The following MYO18A variants were observed in gnomAD, a reference collection of about 807,000 sequenced individuals.
MYO18A encodes myosin XVIIIA, also known as unconventional myosin-XVIIIa.
MYO18A carries 78 observed loss-of-function variants against 235.8 expected under a neutral mutation model. The ratio of observed to expected loss-of-function variants is 0.33; its 90% CI spans 0.28 to 0.40. The LOEUF (loss-of-function observed/expected upper bound fraction) is 0.40, where lower values mean the gene tolerates loss of function less well. Among genes scored for constraint, MYO18A ranks in the 10% least tolerant of loss-of-function variants. The probability of loss-of-function intolerance (pLI) is 1.00; values close to 1 mark genes in which losing one functional copy is unlikely to be tolerated. For missense variants in MYO18A, 2,215 were observed against 2,699.3 expected (o/e 0.82, Z 3.98); for synonymous variants, 977 against 1,077.8 (o/e 0.91, Z 1.83).
intron 2 of MYO18A, among the ~76,000 whole-genome samples, chr17:29,146,589 T>C (rs139666685): frequency 5.6e-4 from 86 of 152,366 alleles, no homozygotes; most frequent in African/African-American, 2.0e-3. Context: ...ATGGAGGGCA[T>C]GTGACCCAAT....
At chr17:29,175,786 G>A (rs912056422) in intron 1 of MYO18A, among the ~76,000 whole-genome samples, 13 of 152,208 alleles carry the variant, frequency 8.5e-5, no homozygotes, top group Admixed American at 5.2e-4. Context: ...CTGGCCAGGC[G>A]CAGTGGCTCA....
At chr17:29,169,138 C>T (rs912122028) in intron 1 of MYO18A, among the ~76,000 whole-genome samples, 1 of 151,982 alleles carries the variant, frequency 6.6e-6, no homozygotes, top group African/African-American at 2.4e-5. Context: ...CAACCTCTGC[C>T]TCCCAGGGTT....
chr17:29,080,137 G>A, intron 41 of MYO18A: 2 of 985,996 alleles, frequency 2.0e-6, no homozygotes, highest in Non-Finnish European at 2.4e-6. Flanking sequence ...GATGCTGGCA[G>A]CTCGCTCCGG....
intron 28 of MYO18A, 47 bp downstream of exon 28, chr17:29,096,714 G>A (rs1463502062): frequency 6.6e-7 from 1 of 1,524,374 alleles, no homozygotes; most frequent in Admixed American, 2.1e-5. Flanking sequence ...TCCTGTCTGT[G>A]GCTGCTCCAG....
intron 37 of MYO18A, 126 bp from the exon 38 acceptor site, chr17:29,087,247 C>T (rs1270055697): frequency 1.1e-6 from 1 of 941,978 alleles, no homozygotes; most frequent in Non-Finnish European, 1.6e-6. Context: ...TCATTGGCTA[C>T]CTGGGCAAGC....
rs2067171754 is a variant in MYO18A at position 29,120,520 on chromosome 17, C to A, written c.1728+96G>T. ...TGGGTCAATTTTGTTAGGGTAGAAT[C>A]CCAGGAAAATGAGGCATGGGAGAGA... On this transcript the variant is annotated intron_variant, in intron 7 of 41. Coordinates refer to ENST00000527372, the MANE Select transcript of MYO18A (RefSeq NM_078471.4). The surrounding 1 kb of genome is among the most constrained non-coding windows in gnomAD (Gnocchi z 4.2). 6.8e-7 allele frequency: 1 copy of A among 1,464,092 alleles called. No homozygotes were observed. 90.7% of individuals were successfully genotyped at this position (1,464,092 alleles called of 1,614,324 possible). A position where few individuals can be genotyped will look rare whatever the true frequency, so the allele number is the denominator to read the frequency against.
Position 29,118,779 on chromosome 17 carries a change from T to TG in MYO18A, c.1830-340dup, listed in dbSNP as rs1567608423. Among the ~76,000 whole-genome samples, 2 of 152,260 alleles carry TG rather than the reference T, an allele frequency of 1.3e-5. No individual in the cohort carries two copies. The highest frequency in any genetic ancestry group is 6.5e-5 in the Admixed American group (1 of 15,288). ...AGAAGGGCTAAAGAGGACAATGGCC[T>TG]GGGGATGCTGGCTCAGCCTCATCAT... On this transcript the variant is annotated intron_variant, in intron 8 of 41. Coordinates refer to ENST00000527372, the MANE Select transcript of MYO18A (RefSeq NM_078471.4). The surrounding 1 kb of genome is among the most constrained non-coding windows in gnomAD (Gnocchi z 4.2).
rs1310245054 is a variant in MYO18A at position 29,120,877 on chromosome 17, A to T, written c.1586-119T>A. On this transcript the variant is annotated intron_variant, in intron 6 of 41. Coordinates refer to ENST00000527372, the MANE Select transcript of MYO18A (RefSeq NM_078471.4). This position sits in a 1 kb window ranked among gnomAD's most constrained non-coding sequence, Gnocchi z 4.2. ...ATTCAGACCAGAACTGCCCGTGGAC[A>T]GAGGGGTTTCGGGGGGATGGAAAGG... 6.4e-7 allele frequency: 1 copy of T among 1,562,708 alleles called. No homozygotes were observed. Among genetic ancestry groups the T allele is most frequent in the Admixed American group, 1.7e-5 (1 of 57,580 alleles).
Position 29,120,718 on chromosome 17 carries a change from A to G in MYO18A, c.1626T>C (p.Phe542=). Residue 542 remains phenylalanine (F), a synonymous_variant, in exon 7 of 42, where the codon TTT becomes TTC. Coordinates refer to ENST00000527372, the MANE Select transcript of MYO18A (RefSeq NM_078471.4). The surrounding 1 kb of genome is among the most constrained non-coding windows in gnomAD (Gnocchi z 4.2). ...WQALYTLLEA[F]GNSPTIINGN... is the part of the protein sequence containing the mutation. ...CATTAATGATGGTGGGGCTGTTCCCAAAGGCTTCCAGGAGGGTGTACAGAG... is the reference window on the plus strand; with the variant it reads ...CATTAATGATGGTGGGGCTGTTCCCGAAGGCTTCCAGGAGGGTGTACAGAG... The G allele has an allele frequency of 6.2e-7, 1 of 1,613,942 alleles. No individual in the cohort carries two copies. Among genetic ancestry groups the G allele is most frequent in the Non-Finnish European group, 8.5e-7 (1 of 1,179,856 alleles).
At chr17:29,123,980 G>GAGCC (rs2067259591) in intron 2 of MYO18A, among the ~76,000 whole-genome samples, 1 of 151,988 alleles carries the variant, frequency 6.6e-6, no homozygotes, top group African/African-American at 2.4e-5. Context: ...CCCAGGAGGT[G>GAGCC]GAGCTTGCAG....
In MYO18A at chr17:29,115,455, G is replaced by A. The variant is rs772370602; in HGVS notation, c.2228-14C>T. The A allele has an allele frequency of 5.2e-5, 83 of 1,611,562 alleles. No individual in the cohort carries two copies. Among genetic ancestry groups the A allele is most frequent in the Non-Finnish European group, 6.5e-5 (77 of 1,179,158 alleles). On this transcript the variant is annotated splice_polypyrimidine_tract_variant and intron_variant, in intron 12 of 41. Coordinates refer to ENST00000527372, the MANE Select transcript of MYO18A (RefSeq NM_078471.4). The stretch of plus-strand genomic sequence containing the variant: ...TCAGTTTCGGGCCTGTGGGGCAGGG[G>A]GAGCAGCGCTATCTCCTTCTCCCCA...
At position 29,082,450 on chromosome 17, in the gene MYO18A, A is replaced by T; in HGVS notation, c.5898-12T>A. The stretch of plus-strand genomic sequence containing the variant: ...CAGAGTCTCCCTCACTGTAGGGATG[A>T]GGAGCAGAAAGGTAGACAAGGCATA... On this transcript the variant is annotated splice_polypyrimidine_tract_variant and intron_variant, in intron 40 of 41. Coordinates refer to ENST00000527372, the MANE Select transcript of MYO18A (RefSeq NM_078471.4). The T allele has an allele frequency of 6.2e-7, 1 of 1,611,214 alleles. No homozygotes were observed. Among genetic ancestry groups the T allele is most frequent in the Non-Finnish European group, 8.5e-7 (1 of 1,178,992 alleles).
Position 29,166,350 on chromosome 17 carries a change from C to T in MYO18A, c.591G>A (p.Val197=). Residue 197 remains valine (V), a synonymous_variant, in exon 2 of 42, where the codon GTG becomes GTA. Transcript: ENST00000527372. The part of the protein sequence containing the change: ...PGHRSRAPEL[V]TKKFPVDLRL... ...GCAGGTCGACTGGGAACTTTTTAGTCACTAGCTCAGGGGCTCGGGATCGGT... is the reference window on the plus strand; with the variant it reads ...GCAGGTCGACTGGGAACTTTTTAGTTACTAGCTCAGGGGCTCGGGATCGGT... The T allele has an allele frequency of 6.2e-7, 1 of 1,613,038 alleles. No homozygotes were observed. The highest frequency in any genetic ancestry group is 8.5e-7 in the Non-Finnish European group (1 of 1,179,888).
At chr17:29,129,607 G>A (rs377404781) in intron 2 of MYO18A, among the ~76,000 whole-genome samples, 1 of 152,238 alleles carries the variant, frequency 6.6e-6, no homozygotes, top group Non-Finnish European at 1.5e-5. Context: ...CTGTGCTTGA[G>A]TCCTTGTTAC....
chr17:29,082,689 C>A (rs1568037890), intron 40 of MYO18A, among the ~76,000 whole-genome samples: 2 of 151,926 alleles, frequency 1.3e-5, no homozygotes, highest in Non-Finnish European at 2.9e-5. Context: ...AGCTCCCAAG[C>A]CAGTTATCTG....
At position 29,109,741 on chromosome 17, in the gene MYO18A, C is replaced by G; in HGVS notation, c.3331+117G>C. The G allele has an allele frequency of 1.5e-6, 2 of 1,293,712 alleles. No individual in the cohort carries two copies. Among genetic ancestry groups the G allele is most frequent in the Non-Finnish European group, 2.1e-6 (2 of 938,180 alleles). The allele number at this position is 1,293,712 out of a possible 1,614,324, so 80.1% of individuals were successfully genotyped here. ...GAGGAGAGACCAGAGCAGAAAGGATCGTGAGGAAAGACAGGAGCAGCCCCA... is the reference window on the plus strand; with the variant it reads ...GAGGAGAGACCAGAGCAGAAAGGATGGTGAGGAAAGACAGGAGCAGCCCCA... On this transcript the variant is annotated intron_variant, in intron 19 of 41. Transcript: ENST00000527372. This position sits in a 1 kb window ranked among gnomAD's most constrained non-coding sequence, Gnocchi z 4.1.
At chr17:29,127,858 C>G in intron 2 of MYO18A, 1 of 988,668 alleles carries the variant, frequency 1.0e-6, no homozygotes, top group Non-Finnish European at 1.2e-6. Flanking sequence ...GTACCTCCTG[C>G]TTCACACCAG....
In MYO18A at chr17:29,082,415, G is replaced by A. The variant is rs373319868; in HGVS notation, c.5921C>T (p.Ser1974Leu). 142 of 1,613,368 alleles carry A rather than the reference G, an allele frequency of 8.8e-5. No homozygotes were observed. Among genetic ancestry groups the A allele is most frequent in the Admixed American group, 1.8e-4 (11 of 59,992 alleles). Residue 1974 changes from serine to leucine, a missense_variant, in exon 41 of 42, where the codon TCG becomes TTG. By Grantham distance (145) the Ser-to-Leu change is moderately radical. Coordinates refer to ENST00000527372, the MANE Select transcript of MYO18A (RefSeq NM_078471.4). The part of the protein sequence containing the change: ...NKLEGDSDVD[S>L]ELEDRVDGVK... ...CCCGTCAACACGGTCCTCCAGCTCC[G>A]AGTCCACATCAGAGTCTCCCTCACT...
intron 2 of MYO18A, among the ~76,000 whole-genome samples, chr17:29,152,408 G>C (rs1318530291): frequency 6.6e-6 from 1 of 152,182 alleles, no homozygotes; most frequent in Non-Finnish European, 1.5e-5. Context: ...GAGTCACAGA[G>C]AAAGCAGCCC....
Sources: gnomAD v4.1 joint callset for allele counts (sites outside exome capture counted in the v4.1 genomes callset) on GRCh38, gnomAD v4.1.1 for gene constraint, Gnocchi (gnomAD v3.1) non-coding constraint, MANE v1.5 for transcripts, NCBI Gene and HGNC (gene_info 2026-07-23, HGNC 2026-07-21) for gene names.